MAGI2: variants seen among roughly 807,000 people sequenced by gnomAD.
MAGI2 encodes membrane-associated guanylate kinase, WW and PDZ domain-containing protein 2.
Under a neutral mutation model 133.3 loss-of-function variants are expected in MAGI2, and 35 were observed. The ratio of observed to expected loss-of-function variants is 0.26; its 90% confidence interval spans 0.20 to 0.35. The LOEUF (loss-of-function observed/expected upper bound fraction) is 0.35. MAGI2 is among the 10% of genes least tolerant of loss of function. MAGI2 has a pLI of 1.00. For missense variants in MAGI2, 1,636 were observed against 1,863.4 expected (o/e 0.88, Z 2.25); for synonymous variants, 729 against 710.6 (o/e 1.03, Z -0.41).
chr7:78,697,981 T>A (rs1188088627), intron 2 of MAGI2, among the ~76,000 whole-genome samples: 1 of 152,182 alleles, frequency 6.6e-6, no homozygotes, highest in Non-Finnish European at 1.5e-5. Flanking sequence ...TTCTTTAGGA[T>A]GTTAGGAGGA....
chr7:78,281,044 T>C (rs925983422), intron 9 of MAGI2, among the ~76,000 whole-genome samples: 1 of 151,912 alleles, frequency 6.6e-6, no homozygotes, highest in Non-Finnish European at 1.5e-5. Flanking sequence ...TCATCAGATA[T>C]CATTTTTTTC....
intron 3 of MAGI2, among the ~76,000 whole-genome samples, chr7:78,544,802 C>T (rs1345825803): frequency 1.3e-5 from 2 of 151,824 alleles, no homozygotes; most frequent in Admixed American, 1.3e-4. Context: ...CCATTGCACT[C>T]CAGCCTGGGC....
chr7:78,189,120 GGTA>G (rs1426221936), intron 12 of MAGI2, among the ~76,000 whole-genome samples: 5 of 152,090 alleles, frequency 3.3e-5, no homozygotes, highest in Non-Finnish European at 7.4e-5. Context: ...CAGAAAACCT[GGTA>G]GTTTAGAAAT....
At chr7:79,020,455 C>CT (rs1226815438) in intron 1 of MAGI2, among the ~76,000 whole-genome samples, 1 of 152,128 alleles carries the variant, frequency 6.6e-6, no homozygotes, top group Admixed American at 6.5e-5. Flanking sequence ...TTCAAGCCTG[C>CT]TGCAGAAATT....
intron 1 of MAGI2, among the ~76,000 whole-genome samples, chr7:79,399,082 T>TTC (rs1286950945): frequency 2.0e-4 from 28 of 138,812 alleles, no homozygotes; most frequent in African/African-American, 6.7e-4. Context: ...ATTATTTCTT[T>TTC]TTTTTTTCTT....
At chr7:79,027,634 A>G (rs941478056) in intron 1 of MAGI2, among the ~76,000 whole-genome samples, 3 of 152,200 alleles carry the variant, frequency 2.0e-5, no homozygotes, top group Non-Finnish European at 4.4e-5. Context: ...GTACTTAACA[A>G]CAGTGTATTG....
At chr7:78,665,458 C>T (rs557727594) in intron 2 of MAGI2, among the ~76,000 whole-genome samples, 12 of 152,212 alleles carry the variant, frequency 7.9e-5, no homozygotes, top group African/African-American at 2.9e-4. Context: ...TAATATACAT[C>T]GTGCTTTGCC....
intron 1 of MAGI2, among the ~76,000 whole-genome samples, chr7:79,372,054 T>A (rs1207596223): frequency 6.6e-6 from 1 of 152,132 alleles, no homozygotes; most frequent in African/African-American, 2.4e-5. Flanking sequence ...TTCTATTTTA[T>A]GGGTAAAAAA....
At chr7:79,088,453 G>A (rs1466935592) in intron 1 of MAGI2, among the ~76,000 whole-genome samples, 5 of 152,102 alleles carry the variant, frequency 3.3e-5, no homozygotes, top group African/African-American at 9.7e-5. Context: ...CATGTCATCT[G>A]CAAACAGAGA....
rs149011833 is a variant in MAGI2 at position 78,926,505 on chromosome 7, A to C, written c.418+80585T>G. On this transcript the variant is annotated intron_variant, in intron 2 of 21. Transcript: ENST00000354212. ...TCCAGTCTCCCAGTTGCCCTATGCC[A>C]TCCATACAGTTCCTGTCTTTCTTTC... is the stretch of plus-strand genomic sequence containing the variant. 7.4e-4 allele frequency among the ~76,000 whole-genome samples: 113 copies of C among 152,074 alleles called. 4 individuals are homozygous for C. Among genetic ancestry groups the C allele is most frequent in the African/African-American group, 2.6e-3 (107 of 41,534 alleles).
At chr7:79,270,761 A>T (rs1834816216) in intron 1 of MAGI2, among the ~76,000 whole-genome samples, 1 of 151,850 alleles carries the variant, frequency 6.6e-6, no homozygotes, top group Admixed American at 6.6e-5. Flanking sequence ...TAACTAGGAT[A>T]AGAATAAATA....
chr7:78,799,761 C>G (rs886652433), intron 2 of MAGI2, among the ~76,000 whole-genome samples: 4 of 152,288 alleles, frequency 2.6e-5, no homozygotes, highest in Non-Finnish European at 5.9e-5. Flanking sequence ...TTGGTTGAAG[C>G]TGTGCAGTGC....
intron 1 of MAGI2, among the ~76,000 whole-genome samples, chr7:79,141,384 CTG>C (rs1239458756): frequency 6.6e-6 from 1 of 152,156 alleles, no homozygotes; most frequent in Non-Finnish European, 1.5e-5. Flanking sequence ...TTTCAAATGT[CTG>C]TATCATGCTG....
At chr7:78,540,496 C>T (rs960436699) in intron 3 of MAGI2, among the ~76,000 whole-genome samples, 5 of 152,112 alleles carry the variant, frequency 3.3e-5, no homozygotes, top group South Asian at 2.1e-4. Context: ...TTGCCCCAGG[C>T]GACAAGCCTC....
intron 6 of MAGI2, among the ~76,000 whole-genome samples, chr7:78,431,190 A>G (rs921730522): frequency 6.6e-6 from 1 of 151,962 alleles, no homozygotes; most frequent in Non-Finnish European, 1.5e-5. Context: ...ATTAGCCTCC[A>G]TGATTACTAA....
rs1827123197 is a variant in MAGI2 at position 79,186,236 on chromosome 7, A to ATATATATATATT, written c.302-179031_302-179030insAATATATATATA. Among the ~76,000 whole-genome samples, 3 of 122,580 alleles carry ATATATATATATT rather than the reference A, an allele frequency of 2.4e-5. No homozygotes were observed. In the Admixed American group the frequency reaches 2.5e-4, roughly 10 times the overall value. The allele number at this position is 122,580 out of a possible 152,430, so 80.4% of individuals were successfully genotyped here. ...TATATATATATATATATATATATATATATATATTTATATTTATTTATTTAT... is the reference window on the plus strand; with the variant it reads ...TATATATATATATATATATATATATATATATATATATTTATATATTTATATTTATTTATTTAT... On this transcript the variant is annotated intron_variant, in intron 1 of 21. Coordinates refer to ENST00000354212, the MANE Select transcript of MAGI2 (RefSeq NM_012301.4).
At chr7:79,134,034 A>G (rs943402777) in intron 1 of MAGI2, among the ~76,000 whole-genome samples, 3 of 152,334 alleles carry the variant, frequency 2.0e-5, no homozygotes, top group East Asian at 1.9e-4. Context: ...TTAGCCTAAG[A>G]CAAAGCAATA....
At chr7:78,453,392 T>C (rs1412626043) in intron 6 of MAGI2, among the ~76,000 whole-genome samples, 1 of 152,236 alleles carries the variant, frequency 6.6e-6, no homozygotes, top group Non-Finnish European at 1.5e-5. Context: ...GGAATCGCTG[T>C]TTCCCCAGGC....
In MAGI2 at chr7:78,420,617, T is replaced by C. The variant is rs528933616; in HGVS notation, c.1046-51404A>G. On this transcript the variant is annotated intron_variant, in intron 6 of 21. Transcript: ENST00000354212. The stretch of plus-strand genomic sequence containing the variant: ...GGAAAATCCTATTTCATTGACACTT[T>C]CCAATTCTCTGGAAATGGTCAGTTA... Among the ~76,000 whole-genome samples the C allele has an allele frequency of 4.1e-4, 63 of 152,250 alleles. 1 individual carries two copies. The South Asian group carries it at 1.0e-2, about 24-fold the overall frequency.
Sources: gnomAD v4.1 joint callset for allele counts (sites outside exome capture counted in the v4.1 genomes callset) on GRCh38, gnomAD v4.1.1 for gene constraint, MANE v1.5 for transcripts, NCBI Gene and HGNC (gene_info 2026-07-23, HGNC 2026-07-21) for gene names.